PRKCZ: variants seen among roughly 807,000 people sequenced by gnomAD.
PRKCZ encodes the protein protein kinase C zeta type.
A neutral mutation model predicts 79.5 loss-of-function variants in PRKCZ; 33 were observed. The ratio of observed to expected loss-of-function variants is 0.41; its 90% CI spans 0.31 to 0.55. PRKCZ has a LOEUF of 0.55. Ranked by LOEUF, PRKCZ falls within the 20% of genes least tolerant of loss-of-function variation. The probability of loss-of-function intolerance (pLI) is 0.19; values close to 1 mark genes in which losing one functional copy is unlikely to be tolerated. For missense variants in PRKCZ, 578 were observed against 813.5 expected (o/e 0.71, Z 3.52); for synonymous variants, 342 against 320.9 (o/e 1.07, Z -0.70).
At chr1:2,160,748 G>A (rs974184548) in intron 10 of PRKCZ, among the ~76,000 whole-genome samples, 6 of 152,164 alleles carry the variant, frequency 3.9e-5, no homozygotes, top group Non-Finnish European at 7.4e-5. Context: ...GAGTCACCCC[G>A]GTTCGCAGAA....
intron 5 of PRKCZ, among the ~76,000 whole-genome samples, chr1:2,140,393 A>G (rs1269107337): frequency 6.6e-6 from 1 of 152,026 alleles, no homozygotes; most frequent in Non-Finnish European, 1.5e-5. Context: ...TGGCTCACGC[A>G]TGTAATCCCA....
intron 4 of PRKCZ, among the ~76,000 whole-genome samples, chr1:2,114,942 T>C (rs545227539): frequency 6.6e-6 from 1 of 152,310 alleles, no homozygotes; most frequent in South Asian, 2.1e-4. Context: ...CCCTAAAACA[T>C]GAAATCTGAA....
Position 2,135,307 on chromosome 1 carries a change from G to A in PRKCZ, c.380G>A (p.Arg127His), listed in dbSNP as rs748361957. The A allele has an allele frequency of 2.3e-5, 37 of 1,613,412 alleles. 1 individual carries two copies. Among genetic ancestry groups the A allele is most frequent in the South Asian group, 1.9e-4 (17 of 91,054 alleles). ...RGARRWRKLY[R>H]ANGHLFQAKR... Reference sequence around the variant, plus strand: ...GCCAGAAGATGGAGGAAGCTGTACCGTGCCAACGGCCACCTCTTCCAAGCC... The same window carrying A: ...GCCAGAAGATGGAGGAAGCTGTACCATGCCAACGGCCACCTCTTCCAAGCC... The change falls in exon 5 of 18, where the codon CGT (arginine) becomes CAT (histidine). Residue 127 changes from arginine to histidine, a missense_variant. Transcript: ENST00000378567.
At position 2,165,048 on chromosome 1, in the gene PRKCZ, G is replaced by A. The variant is rs908866888; in HGVS notation, c.975-4470G>A. On this transcript the variant is annotated intron_variant, in intron 10 of 17. Transcript: ENST00000378567. The surrounding 1 kb of genome is among the most constrained non-coding windows in gnomAD (Gnocchi z 4.1). ...TGTCGCTGGGACACACTGCCCTCCA[G>A]TGCTCGAGTGCATTTCCTGGGCACT... Among the ~76,000 whole-genome samples, 2 of 152,234 alleles carry A rather than the reference G, an allele frequency of 1.3e-5. No homozygotes were observed. The highest frequency in any genetic ancestry group is 2.4e-5 in the African/African-American group (1 of 41,456).
intron 5 of PRKCZ, 120 bp from the exon 6 acceptor site, chr1:2,144,090 G>A (rs905786950): frequency 4.8e-5 from 66 of 1,389,246 alleles, no homozygotes; most frequent in South Asian, 7.2e-5. Flanking sequence ...AGGTGCCGGG[G>A]CCACCTGTTG....
chr1:2,153,577 C>A (rs1032709460), intron 9 of PRKCZ, among the ~76,000 whole-genome samples: 1 of 152,244 alleles, frequency 6.6e-6, no homozygotes, highest in Non-Finnish European at 1.5e-5. Flanking sequence ...TGCCCTGCGC[C>A]GAGGAACAGA....
chr1:2,072,693 C>T (rs147275122), intron 4 of PRKCZ, among the ~76,000 whole-genome samples: 2 of 152,096 alleles, frequency 1.3e-5, no homozygotes, highest in African/African-American at 4.8e-5. Context: ...GGGACAAGTC[C>T]TTTGCTGTCT....
chr1:2,114,960 A>G (rs1670458540), intron 4 of PRKCZ, among the ~76,000 whole-genome samples: 2 of 152,138 alleles, frequency 1.3e-5, no homozygotes, highest in East Asian at 1.9e-4. Context: ...GAAGCGTTCA[A>G]CTCCACGAGT....
intron 9 of PRKCZ, among the ~76,000 whole-genome samples, chr1:2,154,181 C>T (rs1391305299): frequency 6.6e-6 from 1 of 152,198 alleles, no homozygotes; most frequent in Non-Finnish European, 1.5e-5. Flanking sequence ...CCCACTAGGT[C>T]TTCAGCCACT....
rs974720303 is a variant in PRKCZ, at chr1:2,149,947, A to G, written c.688-843A>G. Among the ~76,000 whole-genome samples the G allele has an allele frequency of 6.6e-5, 10 of 151,528 alleles. No homozygotes were observed. Among genetic ancestry groups the G allele is most frequent in the Admixed American group, 2.0e-4 (3 of 15,232 alleles). On this transcript the variant is annotated intron_variant, in intron 8 of 17. Transcript: ENST00000378567. The surrounding 1 kb of genome is among the most constrained non-coding windows in gnomAD (Gnocchi z 4.1). ...GCTGAGGCGGGCAGATCACGAGGTC[A>G]GGAGATGGAGACCATCCTGGCTAAC...
intron 5 of PRKCZ, among the ~76,000 whole-genome samples, chr1:2,136,047 C>T (rs1439868143): frequency 3.3e-5 from 5 of 152,026 alleles, no homozygotes; most frequent in Non-Finnish European, 7.4e-5. Context: ...ACACAGAGCC[C>T]CTGACAGCCC....
chr1:2,179,030 T>C (rs1477694859), intron 16 of PRKCZ, among the ~76,000 whole-genome samples: 1 of 152,180 alleles, frequency 6.6e-6, no homozygotes, highest in Non-Finnish European at 1.5e-5. Flanking sequence ...TCCCCAACAC[T>C]GCTTTCCTCC....
chr1:2,179,099 C>T (rs1686040898), intron 16 of PRKCZ, among the ~76,000 whole-genome samples: 1 of 152,204 alleles, frequency 6.6e-6, no homozygotes, highest in Non-Finnish European at 1.5e-5. Context: ...TGCAGAGGGC[C>T]CCGTCAGCCA....
In PRKCZ at chr1:2,131,384, C is replaced by T. The variant is rs537531835; in HGVS notation, c.335-3878C>T. On this transcript the variant is annotated intron_variant, in intron 4 of 17. Transcript: ENST00000378567. ...CTTTGGGAGGCCGAAGTGGGCATAT[C>T]GCCTGAGGTCAGGCGTTGGAGACCA... 1.2e-4 allele frequency among the ~76,000 whole-genome samples: 19 copies of T among 152,274 alleles called. 1 individual carries two copies. The East Asian group carries it at 3.5e-3, about 28-fold the overall frequency.
intron 4 of PRKCZ, among the ~76,000 whole-genome samples, chr1:2,105,906 A>G (rs1323814596): frequency 6.6e-6 from 1 of 152,172 alleles, no homozygotes; most frequent in African/African-American, 2.4e-5. Context: ...GCTGCCCACC[A>G]GGCCTGGATG....
At chr1:2,148,552 A>C (rs1442342439) in intron 7 of PRKCZ, among the ~76,000 whole-genome samples, 1 of 152,156 alleles carries the variant, frequency 6.6e-6, no homozygotes, top group East Asian at 1.9e-4. Context: ...TCCTCCATCC[A>C]TCCACCAGAC....
At chr1:2,071,036 T>C (rs1229752072) in intron 4 of PRKCZ, among the ~76,000 whole-genome samples, 1 of 115,386 alleles carries the variant, frequency 8.7e-6, no homozygotes, top group Non-Finnish European at 1.8e-5. Flanking sequence ...AGTCGCCTGC[T>C]GGGAGCAGCC....
At chr1:2,084,528 G>GTCC (rs1664138945) in intron 4 of PRKCZ, among the ~76,000 whole-genome samples, 1 of 152,222 alleles carries the variant, frequency 6.6e-6, no homozygotes, top group Non-Finnish European at 1.5e-5. Flanking sequence ...ACAGATGGGC[G>GTCC]TACCTGCGTC....
intron 4 of PRKCZ, among the ~76,000 whole-genome samples, chr1:2,084,700 A>G (rs1234311709): frequency 6.6e-6 from 1 of 152,082 alleles, no homozygotes; most frequent in African/African-American, 2.4e-5. Flanking sequence ...CCTTGTCAGC[A>G]AGTGGAGGTC....
Sources: gnomAD v4.1 joint callset for allele counts (sites outside exome capture counted in the v4.1 genomes callset) on GRCh38, gnomAD v4.1.1 for gene constraint, Gnocchi (gnomAD v3.1) non-coding constraint, MANE v1.5 for transcripts, NCBI Gene and HGNC (gene_info 2026-07-23, HGNC 2026-07-21) for gene names.